APOB: variants seen among roughly 807,000 people sequenced by gnomAD.
APOB encodes apolipoprotein B, also known as apolipoprotein B-100.
APOB carries 153 observed loss-of-function variants against 314.1 expected under a neutral mutation model. That is an observed-to-expected ratio of 0.49 (90% CI 0.43 to 0.56). APOB has a LOEUF of 0.56. APOB is among the 20% of genes least tolerant of loss of function. The pLI, the probability that APOB is intolerant of heterozygous loss-of-function variation, is 0.00. For missense variants in APOB, 5,430 were observed against 5,350.7 expected (o/e 1.01, Z -0.46); for synonymous variants, 2,087 against 2,036.4 (o/e 1.02, Z -0.67).
rs747569141 is a variant in APOB, at chr2:21,007,401, G to T, written c.9467C>A (p.Thr3156Lys). 5.0e-6 allele frequency: 8 copies of T among 1,613,810 alleles called. No homozygotes were observed. The highest frequency in any genetic ancestry group is 1.1e-5 in the South Asian group (1 of 91,082). The part of the protein sequence containing the change: ...PLKDFSLWEK[T>K]GLKEFLKTTK... ...CGTTTTCAAGAATTCCTTCAAGCCT[G>T]TTTTTTCCCATAGAGAGAAATCTTT... The change falls in exon 26 of 29, where the codon ACA becomes AAA. Residue 3156 changes from threonine to lysine, a missense_variant. Transcript: ENST00000233242.
At chr2:21,022,774 G>T in intron 18 of APOB, 57 bp downstream of exon 18, 1 of 1,556,858 alleles carries the variant, frequency 6.4e-7, no homozygotes, top group Non-Finnish European at 8.8e-7. Flanking sequence ...AATTCTGCAG[G>T]TACATTCTCT....
At chr2:21,038,162 G>T in intron 4 of APOB, 51 bp from the exon 5 acceptor site, 1 of 1,604,898 alleles carries the variant, frequency 6.2e-7, no homozygotes, top group Non-Finnish European at 8.5e-7. Context: ...ATTACAACTT[G>T]CTGGAAGTAA....
At position 21,005,272 on chromosome 2, in the gene APOB, A is replaced by G. The variant is rs769732943; in HGVS notation, c.11596T>C (p.Ser3866Pro). ...IVPEQTIEIPSIKFSVPAGIV... is the reference protein window; with the variant it reads ...IVPEQTIEIPPIKFSVPAGIV... Reference sequence around the variant, plus strand: ...CCAGCAGGTACAGAGAACTTAATGGAGGGAATCTCAATGGTCTGCTCAGGC... The same window carrying G: ...CCAGCAGGTACAGAGAACTTAATGGGGGGAATCTCAATGGTCTGCTCAGGC... Residue 3866 changes from serine (S) to proline (P), a missense_variant, in exon 26 of 29, where the codon TCC becomes CCC. Coordinates refer to ENST00000233242, the MANE Select transcript of APOB (RefSeq NM_000384.3). 2.7e-5 allele frequency: 43 copies of G among 1,614,096 alleles called. No homozygotes were observed. Among genetic ancestry groups the G allele is most frequent in the Non-Finnish European group, 3.3e-5 (39 of 1,179,972 alleles).
chr2:21,030,661 A>C (rs1663850939), intron 10 of APOB, among the ~76,000 whole-genome samples: 1 of 152,214 alleles, frequency 6.6e-6, no homozygotes, highest in Non-Finnish European at 1.5e-5. Flanking sequence ...ACAGGGTGGT[A>C]ACCTGCAGAA....
chr2:21,016,405 C>T, intron 21 of APOB, 34 bp downstream of exon 21: 1 of 1,115,376 alleles, frequency 9.0e-7, no homozygotes, highest in Non-Finnish European at 1.4e-6. Context: ...CCCAGGCCTG[C>T]AGTGCAGGTC....
intron 4 of APOB, 70 bp from the exon 5 acceptor site, chr2:21,038,181 GC>G: frequency 1.3e-6 from 2 of 1,548,622 alleles, no homozygotes; most frequent in Non-Finnish European, 1.8e-6. Context: ...AAGCTGGGTG[GC>G]ACTGAAGTTT....
In APOB at chr2:21,019,801, T is replaced by C; in HGVS notation, c.2921A>G (p.Asn974Ser). The C allele has an allele frequency of 1.9e-6, 3 of 1,614,156 alleles. No homozygotes were observed. The highest frequency in any genetic ancestry group is 1.1e-5 in the South Asian group (1 of 91,078). The change falls in exon 19 of 29, where the codon AAT (asparagine) becomes AGT (serine). Residue 974 changes from asparagine (N) to serine (S), a missense_variant. By Grantham distance (46) the Asn-to-Ser change is conservative (BLOSUM62 1). This residue lies in a region of APOB where 2,085 missense variants were observed against 2,079.7 expected (regional missense o/e 1.00). Transcript: ENST00000233242. ...SVCKQVFPGL[N>S]YCTSGAYSNA... is the part of the protein sequence containing the mutation. ...GGAGTAAGCGCCTGAGGTGCAGTAA[T>C]TCAGGCCAGGAAAGACTTGCTTGCA...
intron 6 of APOB, among the ~76,000 whole-genome samples, chr2:21,036,533 C>T (rs771390190): frequency 6.6e-6 from 1 of 152,008 alleles, no homozygotes; most frequent in Non-Finnish European, 1.5e-5. Context: ...GCTCCATGGC[C>T]CCAGTTAACA....
intron 2 of APOB, among the ~76,000 whole-genome samples, chr2:21,042,712 A>C (rs1664161376): frequency 6.6e-6 from 1 of 152,072 alleles, no homozygotes; most frequent in Admixed American, 6.5e-5. Flanking sequence ...TCTGAGGCAC[A>C]GGGAAGGGAG....
At position 21,005,749 on chromosome 2, in the gene APOB, C is replaced by A; in HGVS notation, c.11119G>T (p.Ala3707Ser). The stretch of plus-strand genomic sequence containing the variant: ...TTGGGGTTTTTGGTGTACACAAAGG[C>A]AGTTGAAACACGAAGATGCTGTCTC... ...GRRQHLRVST[A>S]FVYTKNPNGY... The change falls in exon 26 of 29, where the codon GCC becomes TCC. Residue 3707 changes from alanine to serine, a missense_variant. This residue lies in a region of APOB where 3,281 missense variants were observed against 3,171.0 expected (regional missense o/e 1.03). Coordinates refer to ENST00000233242, the MANE Select transcript of APOB (RefSeq NM_000384.3). The A allele has an allele frequency of 6.2e-7, 1 of 1,613,896 alleles. No homozygotes were observed. The highest frequency in any genetic ancestry group is 1.1e-5 in the South Asian group (1 of 91,074).
At position 21,037,975 on chromosome 2, in the gene APOB, T is replaced by G. The variant is rs1191865494; in HGVS notation, c.520A>C (p.Lys174Gln). Residue 174 changes from lysine (K) to glutamine (Q), a missense_variant, in exon 5 of 29, where the codon AAG becomes CAG. Transcript: ENST00000233242. Reference protein sequence around the residue: ...LLVPPETEEAKQVLFLDTVYG... With the variant: ...LLVPPETEEAQQVLFLDTVYG... ...ATCCTCACCAGAAACAACACTTGCT[T>G]GGCTTCTTCTGTCTCTGGGGGAACC... 6.2e-7 allele frequency: 1 copy of G among 1,614,220 alleles called. No homozygotes were observed. Among genetic ancestry groups the G allele is most frequent in the Non-Finnish European group, 8.5e-7 (1 of 1,180,046 alleles).
At chr2:21,028,103 T>G in intron 13 of APOB, 38 bp from the exon 14 acceptor site, 1 of 1,429,692 alleles carries the variant, frequency 7.0e-7, no homozygotes, top group Non-Finnish European at 9.9e-7. Context: ...TGACACACCA[T>G]GTTATTATCC....
rs748091842 is a variant in APOB, at chr2:21,005,134, C to T, written c.11734G>A (p.Val3912Ile). The T allele has an allele frequency of 6.8e-6, 11 of 1,614,012 alleles. No homozygotes were observed. In the South Asian group the frequency reaches 1.1e-4, roughly 16 times the overall value. ...GTTGAGCTGCATGTGGAATCCAGGA[C>T]TGTTTCAACATAATCTGCTTTGTTT... ...LKNKADYVET[V>I]LDSTCSSTVQ... is the part of the protein sequence containing the mutation. Residue 3912 changes from valine to isoleucine, a missense_variant, in exon 26 of 29, where the codon GTC becomes ATC. Val to Ile is a conservative substitution (Grantham distance 29). Around this residue, in one of 3 missense-constraint regions of APOB, gnomAD observed 3,281 missense variants for 3,171.0 expected, o/e 1.03. Coordinates refer to ENST00000233242, the MANE Select transcript of APOB (RefSeq NM_000384.3).
chr2:21,018,227 C>T (rs1663522653), intron 20 of APOB, among the ~76,000 whole-genome samples: 1 of 152,210 alleles, frequency 6.6e-6, no homozygotes, highest in Non-Finnish European at 1.5e-5. Context: ...AACACTGATT[C>T]CTGCCTGGAT....
chr2:21,036,814 A>G (rs911891317), intron 6 of APOB, among the ~76,000 whole-genome samples: 2 of 152,116 alleles, frequency 1.3e-5, no homozygotes, highest in African/African-American at 4.8e-5. Context: ...ATTACTCTCA[A>G]GTGATGAGAT....
chr2:21,023,395 T>A, intron 17 of APOB, 130 bp downstream of exon 17: 2 of 1,109,376 alleles, frequency 1.8e-6, no homozygotes, highest in Non-Finnish European at 2.7e-6. Flanking sequence ...CATAAAAAAA[T>A]AATGAGGTGA....
Position 21,030,000 on chromosome 2 carries a change from G to C in APOB, c.1368C>G (p.Asn456Lys), listed in dbSNP as rs1400031263. The C allele has an allele frequency of 6.2e-7, 1 of 1,611,608 alleles. No homozygotes were observed. Among genetic ancestry groups the C allele is most frequent in the Non-Finnish European group, 8.5e-7 (1 of 1,177,838 alleles). The change falls in exon 11 of 29, where the codon AAC becomes AAG. Residue 456 changes from asparagine (N) to lysine (K), a missense_variant. Around this residue, in one of 3 missense-constraint regions of APOB, gnomAD observed 2,085 missense variants for 2,079.7 expected, o/e 1.00. Transcript: ENST00000233242. ...SHAVNNYHKTNPTGTQELLDI... is the reference protein window; with the variant it reads ...SHAVNNYHKTKPTGTQELLDI... ...CCAGCAGCTCCTGGGTCCCTGTAGG[G>C]TTTGTCTTATGATAGCTACAGAATA...
Position 21,009,009 on chromosome 2 carries a change from G to A in APOB, c.7859C>T (p.Pro2620Leu). The A allele has an allele frequency of 6.2e-7, 1 of 1,613,990 alleles. No homozygotes were observed. The highest frequency in any genetic ancestry group is 8.5e-7 in the Non-Finnish European group (1 of 1,179,928). Residue 2620 changes from proline to leucine, a missense_variant, in exon 26 of 29, where the codon CCC becomes CTC. This residue lies in a region of APOB where 3,281 missense variants were observed against 3,171.0 expected (regional missense o/e 1.03). Transcript: ENST00000233242. The stretch of plus-strand genomic sequence containing the variant: ...TGATGGAATCCTCAAATCTGTTAGG[G>A]GGACTATAAAATCAGGTGTCTGGAA... The part of the protein sequence containing the change: ...ATFQTPDFIV[P>L]LTDLRIPSVQ...
intron 4 of APOB, 92 bp from the exon 5 acceptor site, chr2:21,038,203 AT>A (rs1051018715): frequency 8.7e-6 from 12 of 1,383,850 alleles, no homozygotes; most frequent in Non-Finnish European, 1.1e-5. Flanking sequence ...CTTTTCTCAT[AT>A]TTTTTTAACC....
Sources: gnomAD v4.1 joint callset for allele counts (sites outside exome capture counted in the v4.1 genomes callset) on GRCh38, gnomAD v4.1.1 for gene constraint, gnomAD v4.1.1 regional missense constraint, MANE v1.5 for transcripts, NCBI Gene and HGNC (gene_info 2026-07-23, HGNC 2026-07-21) for gene names.